Variants in PAK5 observed in about 807,000 individuals in gnomAD.
PAK5 encodes p21 (RAC1) activated kinase 5, also known as serine/threonine-protein kinase PAK 5.
A neutral mutation model predicts 65.9 loss-of-function variants in PAK5; 16 were observed. That is an observed-to-expected ratio of 0.24 (90% CI 0.16 to 0.37). The LOEUF (loss-of-function observed/expected upper bound fraction) is 0.37, where lower values mean the gene tolerates loss of function less well. Ranked by LOEUF, PAK5 falls within the 10% of genes least tolerant of loss-of-function variation. The pLI is 1.00. For synonymous variants in PAK5, 371 were observed against 354.9 expected, an observed-to-expected ratio of 1.05 and a Z score of -0.51; for missense variants, 785 against 903.9, an observed-to-expected ratio of 0.87 and a Z score of 1.69.
intron 1 of PAK5, among the ~76,000 whole-genome samples, chr20:9,734,029 T>C (rs185353325): frequency 6.6e-6 from 1 of 152,388 alleles, no homozygotes. Context: ...TAATGTGAAG[T>C]AGAAATCCTT....
At chr20:9,612,593 G>A (rs542842512) in intron 3 of PAK5, among the ~76,000 whole-genome samples, 1 of 152,230 alleles carries the variant, frequency 6.6e-6, no homozygotes, top group Non-Finnish European at 1.5e-5. Context: ...CATGAGGACA[G>A]TACCAAGACG....
intron 1 of PAK5, among the ~76,000 whole-genome samples, chr20:9,817,957 C>T (rs2049377401): frequency 6.6e-6 from 1 of 152,190 alleles, no homozygotes; most frequent in African/African-American, 2.4e-5. Flanking sequence ...CTATCTTTGC[C>T]ACATAAAATC....
chr20:9,689,171 G>A (rs2047759431), intron 2 of PAK5, among the ~76,000 whole-genome samples: 1 of 152,154 alleles, frequency 6.6e-6, no homozygotes, highest in Non-Finnish European at 1.5e-5. Context: ...TTTGTTTTCT[G>A]AGTCAGGAGG....
At chr20:9,750,575 T>C (rs992257476) in intron 1 of PAK5, among the ~76,000 whole-genome samples, 2 of 152,148 alleles carry the variant, frequency 1.3e-5, no homozygotes, top group African/African-American at 4.8e-5. Context: ...GGTTTTTATG[T>C]ATAAGCAACC....
At chr20:9,745,515 C>T (rs1442251256) in intron 1 of PAK5, among the ~76,000 whole-genome samples, 2 of 152,044 alleles carry the variant, frequency 1.3e-5, no homozygotes, top group Non-Finnish European at 2.9e-5. Flanking sequence ...CTCATCTTGG[C>T]TAATGAATGG....
chr20:9,713,587 T>A (rs2048104813), intron 1 of PAK5, among the ~76,000 whole-genome samples: 1 of 152,056 alleles, frequency 6.6e-6, no homozygotes. Flanking sequence ...GTGCTATTCA[T>A]AATGGCCAAG....
At chr20:9,836,940 GTCAGAGT>G (rs1979197081) in intron 1 of PAK5, among the ~76,000 whole-genome samples, 2 of 152,204 alleles carry the variant, frequency 1.3e-5, no homozygotes, top group Admixed American at 1.3e-4. Context: ...ACATAGAAGA[GTCAGAGT>G]TCAAACACCT....
At chr20:9,739,624 A>C (rs1054950939) in intron 1 of PAK5, among the ~76,000 whole-genome samples, 6 of 152,144 alleles carry the variant, frequency 3.9e-5, no homozygotes. Flanking sequence ...TTTCGATATG[A>C]ACCTGTACCT....
rs1021812536 is a variant in PAK5, at chr20:9,537,699, A to G, written c.*1763T>C. 4 of 219,830 alleles carry G rather than the reference A, an allele frequency of 1.8e-5. No individual in the cohort carries two copies. Among genetic ancestry groups the G allele is most frequent in the African/African-American group, 4.5e-5 (2 of 44,470 alleles). 13.6% of individuals were successfully genotyped at this position (219,830 alleles called of 1,614,324 possible). A position where few individuals can be genotyped will look rare whatever the true frequency, so the allele number is the denominator to read the frequency against. The stretch of plus-strand genomic sequence containing the variant: ...TGTCTCATGAACATTTAGGACTGCC[A>G]TTTTCTGGATTTAGATTGTTTTTAT... On this transcript the variant is annotated 3_prime_UTR_variant, in exon 10 of 10. Coordinates refer to ENST00000353224, the MANE Select transcript of PAK5 (RefSeq NM_177990.4).
intron 2 of PAK5, among the ~76,000 whole-genome samples, chr20:9,704,954 C>G (rs1010825785): frequency 6.6e-6 from 1 of 152,190 alleles, no homozygotes; most frequent in Non-Finnish European, 1.5e-5. Context: ...CTCTTTCCCA[C>G]AGGAGCAAGA....
chr20:9,702,369 A>G (rs1440827099), intron 2 of PAK5, among the ~76,000 whole-genome samples: 2 of 152,156 alleles, frequency 1.3e-5, no homozygotes, highest in African/African-American at 4.8e-5. Flanking sequence ...GCTTGCATCA[A>G]TACTCAAATA....
At chr20:9,821,419 C>T (rs2049419579) in intron 1 of PAK5, among the ~76,000 whole-genome samples, 1 of 152,038 alleles carries the variant, frequency 6.6e-6, no homozygotes, top group South Asian at 2.1e-4. Flanking sequence ...AAAACCCATC[C>T]ATATCTCAAA....
At chr20:9,546,706 A>G (rs6056690) in intron 7 of PAK5, among the ~76,000 whole-genome samples, 27,908 of 152,160 alleles carry the variant, frequency 0.18, 3,293 homozygotes, top group African/African-American at 0.33. Flanking sequence ...CACAACAGGG[A>G]GATGAAACCA....
intron 1 of PAK5, among the ~76,000 whole-genome samples, chr20:9,827,198 T>C (rs1470081308): frequency 6.6e-6 from 1 of 152,248 alleles, no homozygotes; most frequent in East Asian, 1.9e-4. Context: ...GATTAGCTGA[T>C]TTTAGATTAG....
In PAK5 at chr20:9,566,073, C is replaced by T. The variant is rs200630536; in HGVS notation, c.1302G>A (p.Ala434=). Residue 434 remains alanine (A), a synonymous_variant, in exon 5 of 10, where the codon GCG becomes GCA. Coordinates refer to ENST00000353224, the MANE Select transcript of PAK5 (RefSeq NM_177990.4). The part of the protein sequence containing the change: ...PSRVSHEQFR[A]ALQLVVSPGD... ...CTGGGCTGACCACCAGCTGCAGGGC[C>T]GCCCGAAACTGTTCATGGGACACCC... The T allele has an allele frequency of 1.7e-5, 28 of 1,613,660 alleles. No individual in the cohort carries two copies. Among genetic ancestry groups the T allele is most frequent in the East Asian group, 4.5e-5 (2 of 44,822 alleles).
At chr20:9,611,875 A>G (rs886684105) in intron 3 of PAK5, among the ~76,000 whole-genome samples, 1 of 152,094 alleles carries the variant, frequency 6.6e-6, no homozygotes, top group Non-Finnish European at 1.5e-5. Flanking sequence ...ACTGTCCATT[A>G]CTCACTTTTG....
intron 1 of PAK5, among the ~76,000 whole-genome samples, chr20:9,732,123 G>C (rs1452560967): frequency 2.0e-5 from 3 of 152,074 alleles, no homozygotes; most frequent in Non-Finnish European, 4.4e-5. Flanking sequence ...ATGTCAAGCT[G>C]TAAAACTTCT....
intron 1 of PAK5, among the ~76,000 whole-genome samples, chr20:9,778,607 G>T (rs757769606): frequency 6.6e-6 from 1 of 152,086 alleles, no homozygotes; most frequent in Non-Finnish European, 1.5e-5. Context: ...ATAGAATGAG[G>T]CAGTGAGTTG....
At chr20:9,830,454 A>G (rs940779936) in intron 1 of PAK5, among the ~76,000 whole-genome samples, 1 of 152,220 alleles carries the variant, frequency 6.6e-6, no homozygotes, top group African/African-American at 2.4e-5. Context: ...AGTTAATTGA[A>G]CCAAGAGGCT....
Sources: allele counts gnomAD v4.1 joint callset (sites outside exome capture counted in the v4.1 genomes callset), GRCh38; gene constraint gnomAD v4.1.1; transcripts MANE v1.5; gene names NCBI Gene and HGNC (gene_info 2026-07-23, HGNC 2026-07-21).